The following NCBP1 variants were observed in gnomAD, a reference collection of about 807,000 sequenced individuals.
NCBP1 encodes the protein nuclear cap-binding protein subunit 1.
NCBP1 carries 16 observed loss-of-function variants against 111.7 expected under a neutral mutation model. The observed-to-expected ratio is 0.14, with a 90% CI of 0.10 to 0.22. The LOEUF (loss-of-function observed/expected upper bound fraction) is 0.22, where lower values mean the gene tolerates loss of function less well. Among genes scored for constraint, NCBP1 ranks in the 10% least tolerant of loss-of-function variants. NCBP1 has a pLI of 1.00. For synonymous variants in NCBP1, 304 were observed against 314.3 expected (o/e 0.97, Z 0.35); for missense variants, 607 against 957.5 (o/e 0.63, Z 4.83).
intron 2 of NCBP1, 148 bp from the exon 3 acceptor site, chr9:97,641,413 TA>T: frequency 1.9e-6 from 1 of 534,062 alleles, no homozygotes; most frequent in Non-Finnish European, 2.7e-6. Flanking sequence ...TTTAGTTCAC[TA>T]AAATAGCAAT....
intron 19 of NCBP1, among the ~76,000 whole-genome samples, chr9:97,664,667 G>A (rs61208411): frequency 0.12 from 17,968 of 152,142 alleles, 3,014 homozygotes; most frequent in African/African-American, 0.37. Context: ...TTGAATCAAG[G>A]CTAAGCCAGT....
chr9:97,646,388 A>C (rs1827335118), intron 6 of NCBP1, among the ~76,000 whole-genome samples: 1 of 152,168 alleles, frequency 6.6e-6, no homozygotes, highest in East Asian at 1.9e-4. Flanking sequence ...ATGCTTAACT[A>C]TCCAGCAACA....
intron 14 of NCBP1, among the ~76,000 whole-genome samples, chr9:97,657,926 A>ATATTT (rs1199195156): frequency 1.1e-5 from 1 of 91,420 alleles, no homozygotes; most frequent in Non-Finnish European, 2.2e-5. Flanking sequence ...ATATATATAT[A>ATATTT]TTTTTTTTTT....
intron 13 of NCBP1, 34 bp from the exon 14 acceptor site, chr9:97,655,977 T>C (rs945314000): frequency 1.3e-6 from 2 of 1,575,362 alleles, no homozygotes; most frequent in Non-Finnish European, 8.7e-7. Flanking sequence ...GCAGATTATA[T>C]GTAAGCATTG....
At chr9:97,647,875 T>G in intron 7 of NCBP1, 133 bp from the exon 8 acceptor site, 1 of 823,048 alleles carries the variant, frequency 1.2e-6, no homozygotes, top group Non-Finnish European at 1.9e-6. Flanking sequence ...AAACAAAAAC[T>G]TAGCACCTTT....
chr9:97,645,134 T>C lies in NCBP1; in HGVS notation c.399T>C (p.Asp133=). Residue 133 remains aspartate (D), a synonymous_variant, in exon 5 of 23, where the codon GAT becomes GAC. Transcript: ENST00000375147. ...CCCAACAGGTCCGTTTTTTATCTGA[T>C]CTTGTGAATTGTCATGTGATTGCCG... is the stretch of plus-strand genomic sequence containing the variant. ...EAVYLVRFLS[D]LVNCHVIAAP... The C allele has an allele frequency of 1.9e-6, 3 of 1,613,352 alleles. No individual in the cohort carries two copies. Among genetic ancestry groups the C allele is most frequent in the South Asian group, 2.2e-5 (2 of 91,070 alleles).
At chr9:97,645,769 G>T in intron 6 of NCBP1, 37 bp downstream of exon 6, 1 of 1,605,724 alleles carries the variant, frequency 6.2e-7, no homozygotes. Context: ...TGTTGCTTAG[G>T]TAAAGGATAT....
intron 10 of NCBP1, 66 bp downstream of exon 10, chr9:97,651,439 C>T: frequency 7.6e-7 from 1 of 1,318,988 alleles, no homozygotes; most frequent in South Asian, 1.3e-5. Flanking sequence ...AAAGTATGAT[C>T]TACTCTTGGC....
chr9:97,642,482 T>C (rs1020358847), intron 3 of NCBP1, among the ~76,000 whole-genome samples: 16 of 152,092 alleles, frequency 1.1e-4, no homozygotes, highest in East Asian at 3.8e-4. Context: ...TGAATTCTTA[T>C]TGCTTTTTGA....
intron 14 of NCBP1, among the ~76,000 whole-genome samples, chr9:97,658,054 C>T (rs72751547): frequency 0.032 from 4,887 of 151,448 alleles, 99 homozygotes; most frequent in Non-Finnish European, 0.05. Context: ...TTCATGGAGC[C>T]CTAGTTTCTA....
rs758020951 is a variant in NCBP1, at chr9:97,662,063, C to T, written c.1622C>T (p.Pro541Leu). 29 of 1,613,154 alleles carry T rather than the reference C, an allele frequency of 1.8e-5. No homozygotes were observed. The highest frequency in any genetic ancestry group is 2.4e-5 in the Non-Finnish European group (28 of 1,179,328). ...TCAGATGAAGGATTCAGTTTTAACC[C>T]ATTGAAAATAGAAGTCTTTGTACAG... is the stretch of plus-strand genomic sequence containing the variant. The part of the protein sequence containing the change: ...DDDDEGFSFN[P>L]LKIEVFVQTL... The change falls in exon 17 of 23, where the codon CCA becomes CTA. Residue 541 changes from proline (P) to leucine (L), a missense_variant. This residue lies in a region of NCBP1 where 282 missense variants were observed against 376.5 expected (regional missense o/e 0.75). Transcript: ENST00000375147.
chr9:97,654,045 T>G, intron 11 of NCBP1, 137 bp downstream of exon 11: 1 of 619,624 alleles, frequency 1.6e-6, no homozygotes, highest in Non-Finnish European at 2.8e-6. Context: ...GTATTACATG[T>G]ATGTACTTGT....
chr9:97,640,589 C>T (rs898691864), intron 1 of NCBP1, among the ~76,000 whole-genome samples: 3 of 152,048 alleles, frequency 2.0e-5, no homozygotes, highest in African/African-American at 7.2e-5. Context: ...ATAATGCCTC[C>T]TGGAGTTATT....
intron 8 of NCBP1, among the ~76,000 whole-genome samples, chr9:97,649,854 G>C (rs903506078): frequency 6.6e-6 from 1 of 151,536 alleles, no homozygotes; most frequent in Non-Finnish European, 1.5e-5. Flanking sequence ...TGCTAGAAGA[G>C]TATAAATATA....
intron 9 of NCBP1, 80 bp downstream of exon 9, chr9:97,650,680 A>G (rs1392088070): frequency 2.5e-6 from 3 of 1,185,016 alleles, no homozygotes; most frequent in Non-Finnish European, 3.7e-6. Flanking sequence ...ATATATGTTG[A>G]GAGTGTAAGA....
rs752221016 is a variant in NCBP1 at position 97,669,643 on chromosome 9, G to A, written c.2196G>A (p.Gly732=). ...TEHLVRCETD[G]TSVLTPWYKN... ...ACCTAGTACGATGCGAAACTGATGG[G>A]ACCAGTGTATTAACACCATGGTATA... The change falls in exon 22 of 23, where the codon GGG becomes GGA. Residue 732 remains glycine (G), a synonymous_variant. Coordinates refer to ENST00000375147, the MANE Select transcript of NCBP1 (RefSeq NM_002486.5). The A allele has an allele frequency of 4.1e-5, 66 of 1,613,360 alleles. 1 individual carries two copies. In the South Asian group the frequency reaches 7.0e-4, roughly 17 times the overall value.
chr9:97,645,339 AAAT>A, intron 5 of NCBP1, 115 bp downstream of exon 5: 2 of 848,528 alleles, frequency 2.4e-6, no homozygotes, highest in Non-Finnish European at 3.7e-6. Context: ...ATAAAGAAAA[AAAT>A]AACAGCAGAC....
chr9:97,636,652 AT>A, intron 1 of NCBP1, among the ~76,000 whole-genome samples: 1 of 130,908 alleles, frequency 7.6e-6, no homozygotes, highest in South Asian at 2.2e-4. Context: ...ATATATATAT[AT>A]ATATATATAT....
intron 1 of NCBP1, chr9:97,634,492 A>G (rs952302793): frequency 1.3e-5 from 2 of 152,358 alleles, no homozygotes; most frequent in Non-Finnish European, 2.9e-5. Flanking sequence ...AACTGGCCGT[A>G]AGCGCATTTC....
Sources: allele counts gnomAD v4.1 joint callset (sites outside exome capture counted in the v4.1 genomes callset), GRCh38; gene constraint gnomAD v4.1.1; regional missense constraint gnomAD v4.1.1; transcripts MANE v1.5; gene names NCBI Gene and HGNC (gene_info 2026-07-23, HGNC 2026-07-21).